The following DACH2 variants were observed in gnomAD, a reference collection of about 807,000 sequenced individuals.
DACH2 encodes dachshund homolog 2.
Under a neutral mutation model 35.8 loss-of-function variants are expected in DACH2, and 17 were observed. The observed-to-expected ratio is 0.48, with a 90% confidence interval of 0.33 to 0.71. DACH2 has a LOEUF of 0.71. Among genes scored for constraint, DACH2 ranks in the 30% least tolerant of loss-of-function variants. The probability of loss-of-function intolerance (pLI) is 0.02; values close to 1 mark genes in which losing one functional copy is unlikely to be tolerated. For missense variants in DACH2, 469 were observed against 472.7 expected (o/e 0.99, Z 0.07); for synonymous variants, 195 against 177.3 (o/e 1.10, Z -0.79).
intron 3 of DACH2, among the ~76,000 whole-genome samples, chrX:86,533,159 C>A (rs1256568857): frequency 9.0e-6 from 1 of 111,219 alleles, no homozygotes; most frequent in Non-Finnish European, 1.9e-5. Flanking sequence ...AAGTGACTCT[C>A]CTGCCTCAGC....
At chrX:86,589,378 T>TA (rs938573303) in intron 3 of DACH2, among the ~76,000 whole-genome samples, 5 of 111,412 alleles carry the variant, frequency 4.5e-5, no homozygotes, top group Non-Finnish European at 7.5e-5. Flanking sequence ...CTCTATTTTT[T>TA]AAAAAAATCA....
intron 3 of DACH2, among the ~76,000 whole-genome samples, chrX:86,557,346 T>C (rs1420144554): frequency 9.0e-6 from 1 of 111,237 alleles, no homozygotes; most frequent in Non-Finnish European, 1.9e-5. Flanking sequence ...TGGGTGGGCT[T>C]TTAAAAAATC....
chrX:86,394,472 A>T (rs1265056930), intron 2 of DACH2, among the ~76,000 whole-genome samples: 4 of 111,531 alleles, frequency 3.6e-5, no homozygotes, highest in South Asian at 3.7e-4. Context: ...TGAAAAATTT[A>T]AAATGTATTT....
chrX:86,790,311 C>G (rs888375585), intron 7 of DACH2, among the ~76,000 whole-genome samples: 1 of 111,831 alleles, frequency 8.9e-6, no homozygotes, highest in African/African-American at 3.2e-5. Flanking sequence ...ACAGCTATGG[C>G]TAGTCTTTTT....
At chrX:86,316,899 C>T (rs1255549666) in intron 1 of DACH2, among the ~76,000 whole-genome samples, 3 of 110,545 alleles carry the variant, frequency 2.7e-5, no homozygotes, top group South Asian at 3.9e-4. Flanking sequence ...GCAGGTGGAT[C>T]GCGAGGTCAG....
intron 3 of DACH2, among the ~76,000 whole-genome samples, chrX:86,620,669 T>A (rs1176331116): frequency 9.0e-6 from 1 of 111,050 alleles, no homozygotes; most frequent in Non-Finnish European, 1.9e-5. Context: ...CTTTTATTAG[T>A]TTCTCCATTG....
intron 6 of DACH2, among the ~76,000 whole-genome samples, chrX:86,720,029 C>A (rs1416666551): frequency 9.5e-6 from 1 of 105,176 alleles, no homozygotes; most frequent in African/African-American, 3.5e-5. Context: ...AGCTCCACCT[C>A]CCGGGTTCAC....
At chrX:86,445,702 T>C (rs1398179630) in intron 2 of DACH2, among the ~76,000 whole-genome samples, 1 of 110,408 alleles carries the variant, frequency 9.1e-6, no homozygotes, top group Admixed American at 9.7e-5. Flanking sequence ...TTTCTAGTGT[T>C]ATGTCACTGT....
chrX:86,188,472 C>T (rs2031742768), intron 1 of DACH2, among the ~76,000 whole-genome samples: 2 of 111,823 alleles, frequency 1.8e-5, no homozygotes, highest in South Asian at 7.5e-4. Flanking sequence ...ATGATGTGCC[C>T]TGTGGTTGGC....
intron 1 of DACH2, among the ~76,000 whole-genome samples, chrX:86,238,105 G>A (rs1440514460): frequency 8.9e-6 from 1 of 112,187 alleles, no homozygotes; most frequent in Non-Finnish European, 1.9e-5. Context: ...ACAGATTTTA[G>A]CAGGGTCATA....
At chrX:86,553,538 C>T (rs2039078103) in intron 3 of DACH2, among the ~76,000 whole-genome samples, 1 of 111,732 alleles carries the variant, frequency 8.9e-6, no homozygotes, top group Non-Finnish European at 1.9e-5. Flanking sequence ...CACAAGTTCA[C>T]CTCTTGTCAA....
intron 11 of DACH2, among the ~76,000 whole-genome samples, chrX:86,825,996 G>A (rs921555330): frequency 3.6e-5 from 4 of 111,632 alleles, no homozygotes; most frequent in East Asian, 2.8e-4. Flanking sequence ...TAAGTATGGC[G>A]AGTACAAGAT....
intron 5 of DACH2, among the ~76,000 whole-genome samples, chrX:86,709,964 C>A (rs1017157351): frequency 9.0e-6 from 1 of 111,617 alleles, no homozygotes; most frequent in Non-Finnish European, 1.9e-5. Flanking sequence ...ACTATAGTGA[C>A]TTTGGAAGAC....
At chrX:86,478,883 A>G (rs1253103809) in intron 2 of DACH2, among the ~76,000 whole-genome samples, 5 of 111,201 alleles carry the variant, frequency 4.5e-5, no homozygotes, top group Non-Finnish European at 9.4e-5. Flanking sequence ...AATCAGCTCA[A>G]TTAGATCCTC....
At chrX:86,298,410 G>T (rs1285882951) in intron 1 of DACH2, among the ~76,000 whole-genome samples, 1 of 111,718 alleles carries the variant, frequency 9.0e-6, no homozygotes, top group Non-Finnish European at 1.9e-5. Context: ...AGTTAATAGA[G>T]GCTTACAAGA....
At chrX:86,587,955 C>T (rs989345395) in intron 3 of DACH2, among the ~76,000 whole-genome samples, 2 of 111,371 alleles carry the variant, frequency 1.8e-5, no homozygotes, top group African/African-American at 6.5e-5. Context: ...TGGTGATATG[C>T]AGAATGGTAT....
intron 2 of DACH2, among the ~76,000 whole-genome samples, chrX:86,475,459 G>T (rs1355347359): frequency 9.0e-6 from 1 of 111,264 alleles, no homozygotes; most frequent in Admixed American, 9.6e-5. Flanking sequence ...TTGTAAACAG[G>T]ATTACTTTTT....
intron 2 of DACH2, among the ~76,000 whole-genome samples, chrX:86,380,366 T>C (rs2036028387): frequency 1.8e-5 from 2 of 110,399 alleles, no homozygotes; most frequent in Admixed American, 1.9e-4. Flanking sequence ...CCAATATATT[T>C]TATAACCGGC....
At chrX:86,596,733 A>G (rs2039717553) in intron 3 of DACH2, among the ~76,000 whole-genome samples, 1 of 111,033 alleles carries the variant, frequency 9.0e-6, no homozygotes, top group Non-Finnish European at 1.9e-5. Flanking sequence ...GTGAATTCCA[A>G]TTTATCTATT....
Sources: allele counts gnomAD v4.1 joint callset (sites outside exome capture counted in the v4.1 genomes callset), GRCh38; gene constraint gnomAD v4.1.1; transcripts MANE v1.5; gene names NCBI Gene and HGNC (gene_info 2026-07-23, HGNC 2026-07-21).